The following ATF7IP variants were observed in gnomAD, a reference collection of about 807,000 sequenced individuals.
ATF7IP encodes the protein activating transcription factor 7-interacting protein 1.
A neutral mutation model predicts 106.4 loss-of-function variants in ATF7IP; 23 were observed. The observed-to-expected ratio is 0.22, with a 90% CI of 0.16 to 0.31. ATF7IP has a LOEUF of 0.31. ATF7IP is among the 10% of genes least tolerant of loss of function. The pLI is 1.00. For synonymous variants in ATF7IP, 542 were observed against 539.0 expected (o/e 1.01, Z -0.08); for missense variants, 1,334 against 1,524.3 (o/e 0.88, Z 2.08).
chr12:14,490,431 G>T (rs1471355215), intron 13 of ATF7IP, among the ~76,000 whole-genome samples: 2 of 152,092 alleles, frequency 1.3e-5, no homozygotes, highest in Non-Finnish European at 2.9e-5. Context: ...CAAACCATTG[G>T]CTACAGCTCA....
intron 1 of ATF7IP, among the ~76,000 whole-genome samples, chr12:14,403,648 A>G (rs1940387893): frequency 6.6e-6 from 1 of 152,250 alleles, no homozygotes; most frequent in Admixed American, 6.5e-5. Flanking sequence ...GTATTTGGAA[A>G]TGCCAAAATA....
At chr12:14,419,679 G>GA (rs1230270265) in intron 1 of ATF7IP, among the ~76,000 whole-genome samples, 4 of 151,960 alleles carry the variant, frequency 2.6e-5, no homozygotes, top group African/African-American at 9.7e-5. Flanking sequence ...GATGGGAAGG[G>GA]AAAAACCTTG....
intron 13 of ATF7IP, among the ~76,000 whole-genome samples, chr12:14,484,987 A>AG (rs898253292): frequency 9.9e-5 from 15 of 152,222 alleles, no homozygotes; most frequent in African/African-American, 3.4e-4. Flanking sequence ...GTCTCTCAAA[A>AG]GGAGAGTAGT....
intron 1 of ATF7IP, chr12:14,395,286 A>G (rs181174229): frequency 1.4e-5 from 2 of 147,404 alleles, no homozygotes; most frequent in East Asian, 2.0e-4. Context: ...TGTGACACCT[A>G]CCCCCCAGGC....
At chr12:14,466,476 C>A in intron 9 of ATF7IP, 50 bp from the exon 10 acceptor site, 1 of 1,484,300 alleles carries the variant, frequency 6.7e-7, no homozygotes, top group Non-Finnish European at 9.3e-7. Context: ...AGCAACTTAA[C>A]TTTTTACATT....
At chr12:14,417,318 C>A (rs1565492703) in intron 1 of ATF7IP, among the ~76,000 whole-genome samples, 1 of 152,212 alleles carries the variant, frequency 6.6e-6, no homozygotes, top group Middle Eastern at 3.4e-3. Context: ...ATTTAGATTT[C>A]ATTAGATGAA....
chr12:14,376,416 C>T (rs1024681264), intron 1 of ATF7IP, among the ~76,000 whole-genome samples: 68 of 152,262 alleles, frequency 4.5e-4, no homozygotes, highest in African/African-American at 1.5e-3. Context: ...TTTTCTTTAG[C>T]CATTTGATTC....
At chr12:14,436,795 T>TAA (rs1418418367) in intron 4 of ATF7IP, among the ~76,000 whole-genome samples, 2,444 of 148,246 alleles carry the variant, frequency 0.016, 60 homozygotes, top group African/African-American at 0.056. Flanking sequence ...TTTTTTTTTT[T>TAA]AAAAAAGGTT....
chr12:14,404,122 C>T (rs910392389), intron 1 of ATF7IP, among the ~76,000 whole-genome samples: 14 of 106,918 alleles, frequency 1.3e-4, no homozygotes, highest in African/African-American at 5.0e-4. Flanking sequence ...TGTAATTACA[C>T]ATTTGTAAGC....
chr12:14,383,121 T>G (rs1939066294), intron 1 of ATF7IP, among the ~76,000 whole-genome samples: 1 of 152,090 alleles, frequency 6.6e-6, no homozygotes, highest in African/African-American at 2.4e-5. Context: ...TGGTACTAAG[T>G]GTTGTCTGGG....
intron 2 of ATF7IP, among the ~76,000 whole-genome samples, chr12:14,427,749 C>G (rs80212764): frequency 0.05 from 7,569 of 152,086 alleles, 645 homozygotes; most frequent in African/African-American, 0.17. Context: ...TTTCACACCC[C>G]ATAATTAGTC....
chr12:14,482,576 C>G (rs569342175), intron 13 of ATF7IP: 2 of 152,220 alleles, frequency 1.3e-5, no homozygotes, highest in African/African-American at 4.8e-5. Flanking sequence ...CTTCTCCAGC[C>G]CATTTTCTGC....
Position 14,498,078 on chromosome 12 carries a change from T to C in ATF7IP, c.*5T>C. 6.4e-7 allele frequency: 1 copy of C among 1,555,108 alleles called. No individual in the cohort carries two copies. The highest frequency in any genetic ancestry group is 8.7e-7 in the Non-Finnish European group (1 of 1,147,808). On this transcript the variant is annotated 3_prime_UTR_variant, in exon 15 of 15. Transcript: ENST00000261168. ...TCTTCTACCCAGAGCAGTTAAACCT[T>C]GGAGCCTTTATATTTTCCTCTTTTA...
intron 1 of ATF7IP, among the ~76,000 whole-genome samples, chr12:14,410,864 G>A (rs1424108438): frequency 6.6e-6 from 1 of 152,098 alleles, no homozygotes; most frequent in African/African-American, 2.4e-5. Flanking sequence ...GGGGAATACC[G>A]TAAATGGAAT....
rs5796595 is a variant in ATF7IP at position 14,446,970 on chromosome 12, C to CTT, written c.1930-5_1930-4dup. On this transcript the variant is annotated splice_polypyrimidine_tract_variant and intron_variant, in intron 5 of 14. Transcript: ENST00000261168. ...CTATTTGATTTCCATTCATTTTTGT[C>CTT]TTTTTTTTTTTTTTCAGGCCAAGAT... 182,200 of 1,175,616 alleles carry CTT rather than the reference C, an allele frequency of 0.15. 616 individuals carry two copies. The highest frequency in any genetic ancestry group is 0.19 in the South Asian group (10,215 of 53,416). 72.8% of individuals were successfully genotyped at this position (1,175,616 alleles called of 1,614,324 possible).
chr12:14,388,802 G>A (rs1939388946), intron 1 of ATF7IP, among the ~76,000 whole-genome samples: 1 of 152,078 alleles, frequency 6.6e-6, no homozygotes. Context: ...GTGCCACCAA[G>A]CTAATTTTTG....
At chr12:14,435,619 A>AT (rs1227189287) in intron 3 of ATF7IP, among the ~76,000 whole-genome samples, 2 of 152,226 alleles carry the variant, frequency 1.3e-5, no homozygotes, top group Non-Finnish European at 2.9e-5. Context: ...TATGTTAAGA[A>AT]TAACTATTAC....
intron 14 of ATF7IP, among the ~76,000 whole-genome samples, chr12:14,497,363 G>A (rs983923953): frequency 1.3e-5 from 2 of 152,106 alleles, no homozygotes; most frequent in African/African-American, 4.8e-5. Flanking sequence ...TTACTTCCGT[G>A]TTCCTCAAAA....
At chr12:14,410,837 T>C (rs992866777) in intron 1 of ATF7IP, among the ~76,000 whole-genome samples, 6 of 152,174 alleles carry the variant, frequency 3.9e-5, no homozygotes, top group African/African-American at 1.4e-4. Context: ...TTTGGGAATG[T>C]ATCTTCTATG....
Sources: gnomAD v4.1 joint callset for allele counts (sites outside exome capture counted in the v4.1 genomes callset) on GRCh38, gnomAD v4.1.1 for gene constraint, MANE v1.5 for transcripts, NCBI Gene and HGNC (gene_info 2026-07-23, HGNC 2026-07-21) for gene names.